Variants in SLC30A4 observed in about 807,000 individuals in gnomAD.
SLC30A4 encodes probable proton-coupled zinc antiporter SLC30A4.
SLC30A4 carries 20 observed loss-of-function variants against 41.7 expected under a neutral mutation model. That is an observed-to-expected ratio of 0.48 (90% confidence interval 0.34 to 0.70). The LOEUF is 0.70. Ranked by LOEUF, SLC30A4 falls within the 30% of genes least tolerant of loss-of-function variation. The pLI, the probability that SLC30A4 is intolerant of heterozygous loss-of-function variation, is 0.01. For synonymous variants in SLC30A4, 181 were observed against 195.9 expected (o/e 0.92, Z 0.64); for missense variants, 441 against 529.3 (o/e 0.83, Z 1.64).
intron 2 of SLC30A4, among the ~76,000 whole-genome samples, chr15:45,518,116 T>C (rs751960688): frequency 6.6e-5 from 10 of 152,254 alleles, no homozygotes; most frequent in Non-Finnish European, 1.0e-4. Context: ...TTCTTTCTAA[T>C]TCCTTTCGAA....
intron 3 of SLC30A4, among the ~76,000 whole-genome samples, chr15:45,499,339 T>G (rs902024973): frequency 1.3e-5 from 2 of 152,174 alleles, no homozygotes; most frequent in African/African-American, 4.8e-5. Context: ...CTCAGAGTGC[T>G]GGGATTACAG....
Position 45,483,585 on chromosome 15 carries a change from C to T in SLC30A4, c.*1578G>A, listed in dbSNP as rs909339766. The T allele has an allele frequency of 6.6e-6, 1 of 152,088 alleles. No individual in the cohort carries two copies. Among genetic ancestry groups the T allele is most frequent in the African/African-American group, 2.4e-5 (1 of 41,428 alleles). The allele number at this position is 152,088 out of a possible 1,614,324, so 9.4% of individuals were successfully genotyped here. A position where few individuals can be genotyped will look rare whatever the true frequency, so the allele number is the denominator to read the frequency against. ...CCTATCTAGTGCTTTAAAACACACA[C>T]ATACAGGCCAGGCATGGTGGCTCAT... On this transcript the variant is annotated 3_prime_UTR_variant, in exon 8 of 8. Coordinates refer to ENST00000261867, the MANE Select transcript of SLC30A4 (RefSeq NM_013309.6).
At position 45,522,044 on chromosome 15, in the gene SLC30A4, A is replaced by G. The variant is rs1566885202; in HGVS notation, c.311T>C (p.Ile104Thr). The G allele has an allele frequency of 6.2e-7, 1 of 1,613,672 alleles. No homozygotes were observed. Among genetic ancestry groups the G allele is most frequent in the Admixed American group, 1.7e-5 (1 of 60,012 alleles). ...GGCTTTCACCTTTCTCTGCTTCAGT[A>G]TCTCTCTCTGTTTGCTGCAGTTGTC... ...SCDNCSKQRE[I>T]LKQRKVKARL... is the part of the protein sequence containing the mutation. Residue 104 changes from isoleucine (I) to threonine (T), a missense_variant, in exon 2 of 8, where the codon ATA becomes ACA. Ile to Thr is a moderately conservative substitution (Grantham distance 89, BLOSUM62 -1). Around this residue, in one of 3 missense-constraint regions of SLC30A4, gnomAD observed 312 missense variants for 341.9 expected, o/e 0.91. Transcript: ENST00000261867.
chr15:45,511,128 A>C lies in SLC30A4; in HGVS notation c.538+10T>G. 6.2e-7 allele frequency: 1 copy of C among 1,607,578 alleles called. No individual in the cohort carries two copies. Among genetic ancestry groups the C allele is most frequent in the Non-Finnish European group, 8.5e-7 (1 of 1,176,364 alleles). ...AATATTATAAAGCAAAAGAAACACC[A>C]ACTACCTACCTAAGCGATGAAATCC... On this transcript the variant is annotated intron_variant, in intron 3 of 7. Transcript: ENST00000261867.
chr15:45,512,654 A>G (rs774439107), intron 2 of SLC30A4, among the ~76,000 whole-genome samples: 1 of 152,226 alleles, frequency 6.6e-6, no homozygotes, highest in Non-Finnish European at 1.5e-5. Flanking sequence ...AAGTTTTGGA[A>G]TCTCAGAAAG....
chr15:45,487,267 A>C (rs1418650216), intron 6 of SLC30A4, among the ~76,000 whole-genome samples: 1 of 152,108 alleles, frequency 6.6e-6, no homozygotes, highest in Non-Finnish European at 1.5e-5. Flanking sequence ...TCTGAACCTC[A>C]ATTTTCTTAT....
At chr15:45,496,018 T>C (rs751835364) in intron 3 of SLC30A4, among the ~76,000 whole-genome samples, 15 of 152,156 alleles carry the variant, frequency 9.9e-5, no homozygotes, top group Non-Finnish European at 1.6e-4. Context: ...TCCCAAAATG[T>C]CTTCTGGGAT....
At chr15:45,505,414 C>T (rs1489861817) in intron 3 of SLC30A4, among the ~76,000 whole-genome samples, 1 of 152,110 alleles carries the variant, frequency 6.6e-6, no homozygotes, top group Non-Finnish European at 1.5e-5. Flanking sequence ...TTACTATTGT[C>T]AGATAGAGTG....
intron 2 of SLC30A4, among the ~76,000 whole-genome samples, chr15:45,511,548 A>G (rs958377213): frequency 6.6e-6 from 1 of 151,968 alleles, no homozygotes; most frequent in African/African-American, 2.4e-5. Flanking sequence ...CAGTGGTGCA[A>G]TCTCAGCTCA....
intron 2 of SLC30A4, among the ~76,000 whole-genome samples, chr15:45,520,365 G>C (rs540670111): frequency 6.6e-6 from 1 of 152,156 alleles, no homozygotes; most frequent in African/African-American, 2.4e-5. Context: ...CGCCTCCCGG[G>C]TTCAAGCGAT....
chr15:45,485,606 T>C (rs1891684666), intron 7 of SLC30A4, among the ~76,000 whole-genome samples: 1 of 152,210 alleles, frequency 6.6e-6, no homozygotes, highest in Non-Finnish European at 1.5e-5. Flanking sequence ...CATGCATGTA[T>C]TATTTTGATT....
chr15:45,489,098 G>A (rs1891760753), intron 4 of SLC30A4, 56 bp from the exon 5 acceptor site: 1 of 1,265,094 alleles, frequency 7.9e-7, no homozygotes, highest in Non-Finnish European at 1.1e-6. Context: ...AAAAACATTT[G>A]TCACTAGTCA....
At position 45,498,171 on chromosome 15, in the gene SLC30A4, A is replaced by G. The variant is rs946185040; in HGVS notation, c.539-7290T>C. Among the ~76,000 whole-genome samples the G allele has an allele frequency of 3.9e-5, 6 of 152,202 alleles. No individual in the cohort carries two copies. In the South Asian group the frequency reaches 1.2e-3, roughly 31 times the overall value. On this transcript the variant is annotated intron_variant, in intron 3 of 7. Coordinates refer to ENST00000261867, the MANE Select transcript of SLC30A4 (RefSeq NM_013309.6). The stretch of plus-strand genomic sequence containing the variant: ...ATCTGAAGACAGGTTTCAGAGGTCT[A>G]TAAAAATGAATAGGGAAGGAGAGTG...
rs199604295 is a variant in SLC30A4 at position 45,487,510 on chromosome 15, A to G, written c.1000+17T>C. 1.8e-6 allele frequency: 2 copies of G among 1,138,732 alleles called. No individual in the cohort carries two copies. The highest frequency in any genetic ancestry group is 4.7e-5 in the East Asian group (2 of 42,584). The allele number at this position is 1,138,732 out of a possible 1,614,324, so 70.5% of individuals were successfully genotyped here. On this transcript the variant is annotated intron_variant, in intron 6 of 7. Transcript: ENST00000261867. Reference sequence around the variant, plus strand: ...GGGAAGTAATAAACTCATAATGAGGATATAGTGAGATCTTACCTTCTAGTA... The same window carrying G: ...GGGAAGTAATAAACTCATAATGAGGGTATAGTGAGATCTTACCTTCTAGTA...
chr15:45,487,960 A>AGTGTGTGTGTGTGTGT (rs58392709), intron 5 of SLC30A4, among the ~76,000 whole-genome samples: 12 of 139,780 alleles, frequency 8.6e-5, no homozygotes, highest in African/African-American at 2.9e-4. Context: ...GCTGGAAAAA[A>AGTGTGTGTGTGTGTGT]GTGTGTGTGT....
At chr15:45,509,205 A>T (rs996880933) in intron 3 of SLC30A4, among the ~76,000 whole-genome samples, 1 of 152,058 alleles carries the variant, frequency 6.6e-6, no homozygotes, top group African/African-American at 2.4e-5. Flanking sequence ...AAATGACTAT[A>T]TAATATGTTG....
chr15:45,493,825 T>TCAAAAA (rs1455479061), intron 3 of SLC30A4, among the ~76,000 whole-genome samples: 2 of 151,974 alleles, frequency 1.3e-5, no homozygotes, highest in South Asian at 2.1e-4. Context: ...AGACTCTGTC[T>TCAAAAA]CAAAAACAAA....
chr15:45,487,563 G>C lies in SLC30A4; in HGVS notation c.964C>G (p.Arg322Gly), dbSNP rs1566874833. Residue 322 changes from arginine (R) to glycine (G), a missense_variant, in exon 6 of 8, where the codon CGA (arginine) becomes GGA (glycine). Arg to Gly is a moderately radical substitution (Grantham distance 125). Coordinates refer to ENST00000261867, the MANE Select transcript of SLC30A4 (RefSeq NM_013309.6). ...ATAACTACTGTATCCCATATGATTCGAAATGTTGTAAAAGCCACAAGTAAT... is the reference window on the plus strand; with the variant it reads ...ATAACTACTGTATCCCATATGATTCCAAATGTTGTAAAAGCCACAAGTAAT... ...FSLLVAFTTF[R>G]IIWDTVVIIL... is the part of the protein sequence containing the mutation. 1 of 1,563,642 alleles carries C rather than the reference G, an allele frequency of 6.4e-7. No individual in the cohort carries two copies. The highest frequency in any genetic ancestry group is 8.8e-7 in the Non-Finnish European group (1 of 1,135,224).
intron 2 of SLC30A4, among the ~76,000 whole-genome samples, chr15:45,516,969 G>C (rs917417069): frequency 6.6e-6 from 1 of 152,066 alleles, no homozygotes. Flanking sequence ...AAAATTAGAT[G>C]CATGAGTTCA....
Sources: gnomAD v4.1 joint callset for allele counts (sites outside exome capture counted in the v4.1 genomes callset) on GRCh38, gnomAD v4.1.1 for gene constraint, gnomAD v4.1.1 regional missense constraint, MANE v1.5 for transcripts, NCBI Gene and HGNC (gene_info 2026-07-23, HGNC 2026-07-21) for gene names.